The following CACUL1 variants were observed in gnomAD, a reference collection of about 807,000 sequenced individuals.
The protein encoded by CACUL1 is CDK2 associated cullin domain 1, also known as CDK2-associated and cullin domain-containing protein 1.
CACUL1 carries 13 observed loss-of-function variants against 45.2 expected under a neutral mutation model. The observed-to-expected ratio is 0.29, with a 90% CI of 0.19 to 0.46. The LOEUF (loss-of-function observed/expected upper bound fraction) is 0.46. Ranked by LOEUF, CACUL1 falls within the 20% of genes least tolerant of loss-of-function variation. CACUL1 has a pLI of 1.00. For missense variants in CACUL1, 421 were observed against 471.4 expected, an observed-to-expected ratio of 0.89 and a Z score of 0.99; for synonymous variants, 197 against 174.2, an observed-to-expected ratio of 1.13 and a Z score of -1.03.
intron 5 of CACUL1, among the ~76,000 whole-genome samples, chr10:118,699,305 T>C (rs759098375): frequency 6.6e-6 from 1 of 152,252 alleles, no homozygotes; most frequent in African/African-American, 2.4e-5. Context: ...AAGGACCTTT[T>C]CTGTTTACTT....
intron 7 of CACUL1, among the ~76,000 whole-genome samples, chr10:118,689,058 A>G (rs3824821): frequency 0.17 from 26,546 of 152,240 alleles, 2,927 homozygotes; most frequent in African/African-American, 0.28. Context: ...GGCATAAACC[A>G]TAAAATGACT....
intron 3 of CACUL1, among the ~76,000 whole-genome samples, chr10:118,722,120 G>A (rs1406787158): frequency 7.0e-6 from 1 of 143,528 alleles, no homozygotes; most frequent in Admixed American, 7.1e-5. Context: ...TTTCGCTCTT[G>A]TCACCCAGGC....
intron 7 of CACUL1, among the ~76,000 whole-genome samples, chr10:118,690,286 C>T (rs995925678): frequency 3.5e-5 from 4 of 115,842 alleles, no homozygotes; most frequent in African/African-American, 1.0e-4. Context: ...CCGGCCTGGG[C>T]GACAGAGCGA....
intron 1 of CACUL1, among the ~76,000 whole-genome samples, chr10:118,739,502 GAA>G (rs1343221854): frequency 6.6e-6 from 1 of 152,134 alleles, no homozygotes; most frequent in East Asian, 1.9e-4. Flanking sequence ...AAATGCCAAG[GAA>G]AAGTTATTTT....
At position 118,717,981 on chromosome 10, in the gene CACUL1, TG is replaced by T. The variant is rs1417667416; in HGVS notation, c.598-10395del. On this transcript the variant is annotated intron_variant, in intron 3 of 8. Transcript: ENST00000369151. ...AAAAAAGGTGGTGATTAACTGCCAA[TG>T]GAAGACATGAACAAAAACTGCCTGT... is the stretch of plus-strand genomic sequence containing the variant. 5.9e-5 allele frequency among the ~76,000 whole-genome samples: 9 copies of T among 152,140 alleles called. No individual in the cohort carries two copies. In the East Asian group the frequency reaches 1.5e-3, roughly 26 times the overall value.
intron 6 of CACUL1, chr10:118,692,397 A>G (rs1016694617): frequency 1.9e-4 from 29 of 152,246 alleles, no homozygotes; most frequent in African/African-American, 6.8e-4. Context: ...ATTATAACGA[A>G]TATGTACAGA....
intron 5 of CACUL1, among the ~76,000 whole-genome samples, chr10:118,697,807 CATTA>C (rs1845337122): frequency 6.6e-6 from 1 of 152,194 alleles, no homozygotes; most frequent in Non-Finnish European, 1.5e-5. Context: ...AATTTTCTAT[CATTA>C]ATTAACCCCA....
intron 1 of CACUL1, among the ~76,000 whole-genome samples, chr10:118,746,151 C>CAAAAAAAAAAAAAAAAAAAA (rs376453440): frequency 1.1e-5 from 1 of 91,286 alleles, no homozygotes; most frequent in Admixed American, 1.3e-4. Flanking sequence ...GACACTGTCT[C>CAAAAAAAAAAAAAAAAAAAA]AAAAAAAAAA....
At chr10:118,700,625 G>A (rs1845369542) in intron 5 of CACUL1, among the ~76,000 whole-genome samples, 1 of 150,498 alleles carries the variant, frequency 6.6e-6, no homozygotes, top group South Asian at 2.1e-4. Context: ...GCTGAGGCAG[G>A]AGAATGGCGT....
intron 1 of CACUL1, among the ~76,000 whole-genome samples, chr10:118,742,547 G>A (rs568460326): frequency 4.6e-5 from 7 of 152,176 alleles, no homozygotes; most frequent in South Asian, 2.1e-4. Context: ...CCTGAAGTTC[G>A]GCCGGGAACA....
rs144769394 is a variant in CACUL1 at position 118,722,533 on chromosome 10, T to C, written c.597+6762A>G. ...ATGCACACTGTTGACACTATCCATCTGTCAGACACTTAGCCATCTCGGTTA... is the reference window on the plus strand; with the variant it reads ...ATGCACACTGTTGACACTATCCATCCGTCAGACACTTAGCCATCTCGGTTA... On this transcript the variant is annotated intron_variant, in intron 3 of 8. Transcript: ENST00000369151. Among the ~76,000 whole-genome samples the C allele has an allele frequency of 1.2e-4, 19 of 152,300 alleles. No individual in the cohort carries two copies. In the East Asian group the frequency reaches 3.7e-3, roughly 29 times the overall value.
intron 3 of CACUL1, among the ~76,000 whole-genome samples, chr10:118,708,726 G>T (rs1294194969): frequency 6.6e-6 from 1 of 152,092 alleles, no homozygotes; most frequent in Non-Finnish European, 1.5e-5. Flanking sequence ...GAACGCTCAG[G>T]TTCTCGCTCC....
rs1414214009 is a variant in CACUL1, at chr10:118,680,935, TTAAGGCCAAG to T, written c.*5183_*5192del. ...TAACAAAGTTCCAGTGAACCAGGTA[TTAAGGCCAAG>T]GACATCTGTACAGGATTTATAACAT... On this transcript the variant is annotated 3_prime_UTR_variant, in exon 9 of 9. Transcript: ENST00000369151. 6.6e-6 allele frequency: 1 copy of T among 152,204 alleles called. No individual in the cohort carries two copies. Among genetic ancestry groups the T allele is most frequent in the Non-Finnish European group, 1.5e-5 (1 of 68,026 alleles). The allele number at this position is 152,204 out of a possible 1,614,324, so 9.4% of individuals were successfully genotyped here. A position where few individuals can be genotyped will look rare whatever the true frequency, so the allele number is the denominator to read the frequency against.
intron 1 of CACUL1, among the ~76,000 whole-genome samples, chr10:118,732,757 A>G (rs1845709325): frequency 6.6e-6 from 1 of 152,042 alleles, no homozygotes; most frequent in African/African-American, 2.4e-5. Flanking sequence ...ATCCCCCTAG[A>G]GCTGCTTCCC....
At chr10:118,748,838 T>G (rs1030070762) in intron 1 of CACUL1, among the ~76,000 whole-genome samples, 1 of 152,138 alleles carries the variant, frequency 6.6e-6, no homozygotes, top group Non-Finnish European at 1.5e-5. Flanking sequence ...GACGGCGACA[T>G]GGGTTAAAAT....
At chr10:118,727,350 T>C (rs1037997925) in intron 3 of CACUL1, among the ~76,000 whole-genome samples, 7 of 149,410 alleles carry the variant, frequency 4.7e-5, no homozygotes, top group Admixed American at 4.0e-4. Context: ...GCCATGATTG[T>C]ACCACTGCAC....
chr10:118,703,216 T>C (rs528611437), intron 4 of CACUL1, among the ~76,000 whole-genome samples: 2 of 152,022 alleles, frequency 1.3e-5, no homozygotes, highest in South Asian at 2.1e-4. Context: ...GCAGACCTTC[T>C]GACCCATTCC....
Position 118,686,599 on chromosome 10 carries a change from A to G in CACUL1, c.1068T>C (p.Tyr356=). The part of the protein sequence containing the change: ...SRKRAGDELA[Y]NSSSACASSR... ...ATGGGAAGGAACATCATTACTTACT[A>G]TAAGCCAACTCATCCCCAGCTCTCT... The change falls in exon 8 of 9, where the codon TAT becomes TAC. Residue 356 remains tyrosine, a splice_region_variant and synonymous_variant. Coordinates refer to ENST00000369151, the MANE Select transcript of CACUL1 (RefSeq NM_153810.5). The G allele has an allele frequency of 1.2e-6, 2 of 1,612,250 alleles. No individual in the cohort carries two copies. Among genetic ancestry groups the G allele is most frequent in the Admixed American group, 1.7e-5 (1 of 60,022 alleles).
In CACUL1 at chr10:118,718,216, ACT is replaced by A. The variant is rs1845565327; in HGVS notation, c.598-10631_598-10630del. Among the ~76,000 whole-genome samples, 2 of 152,138 alleles carry A rather than the reference ACT, an allele frequency of 1.3e-5. 1 individual carries two copies. The highest frequency in any genetic ancestry group is 2.9e-5 in the Non-Finnish European group (2 of 68,020). ...AATCCACTCATGCCCAGGTTTCCACACTGTTATGAAGCAAAAATATACTGCTG... is the reference window on the plus strand; with the variant it reads ...AATCCACTCATGCCCAGGTTTCCACAGTTATGAAGCAAAAATATACTGCTG... On this transcript the variant is annotated intron_variant, in intron 3 of 8. Coordinates refer to ENST00000369151, the MANE Select transcript of CACUL1 (RefSeq NM_153810.5).
Sources: gnomAD v4.1 joint callset for allele counts (sites outside exome capture counted in the v4.1 genomes callset) on GRCh38, gnomAD v4.1.1 for gene constraint, MANE v1.5 for transcripts, NCBI Gene and HGNC (gene_info 2026-07-23, HGNC 2026-07-21) for gene names.